Variants in OTUD7A observed in about 807,000 individuals in gnomAD.
The protein encoded by OTUD7A is OTU deubiquitinase 7A.
A neutral mutation model predicts 65.7 loss-of-function variants in OTUD7A; 12 were observed. That is an observed-to-expected ratio of 0.18 (90% confidence interval 0.12 to 0.30). The LOEUF is 0.30. Among genes scored for constraint, OTUD7A ranks in the 10% least tolerant of loss-of-function variants. The pLI is 1.00. For synonymous variants in OTUD7A, 641 were observed against 586.3 expected, an observed-to-expected ratio of 1.09 and a Z score of -1.35; for missense variants, 1,148 against 1,304.8, an observed-to-expected ratio of 0.88 and a Z score of 1.85.
intron 1 of OTUD7A, among the ~76,000 whole-genome samples, chr15:31,792,547 CCT>C (rs1336385513): frequency 6.6e-6 from 1 of 152,136 alleles, no homozygotes; most frequent in African/African-American, 2.4e-5. Flanking sequence ...TCCTGTATTC[CCT>C]CTGTCTGGCC....
At chr15:31,860,398 T>C (rs1296634809) in intron 1 of OTUD7A, among the ~76,000 whole-genome samples, 1 of 151,968 alleles carries the variant, frequency 6.6e-6, no homozygotes, top group Admixed American at 6.6e-5. Flanking sequence ...GAAAAAATGA[T>C]TAAATTTCTA....
chr15:31,523,198 T>G (rs1042618360), intron 8 of OTUD7A, among the ~76,000 whole-genome samples: 1 of 152,262 alleles, frequency 6.6e-6, no homozygotes, highest in African/African-American at 2.4e-5. Context: ...AAGACTGGGT[T>G]AGCTTCCAGC....
At chr15:31,747,428 A>G (rs1000701338) in intron 1 of OTUD7A, among the ~76,000 whole-genome samples, 7 of 152,222 alleles carry the variant, frequency 4.6e-5, no homozygotes, top group Admixed American at 6.5e-5. Flanking sequence ...TCCTTGCACC[A>G]GAAAGGAAGG....
Position 31,483,416 on chromosome 15 carries a change from G to A in OTUD7A, c.2680C>T (p.Gln894Ter). The change falls in exon 13 of 13, where the codon CAG (glutamine) becomes TAG (stop). Residue 894 changes from glutamine to a stop codon, truncating the protein, a stop_gained. Coordinates refer to ENST00000307050, the MANE Select transcript of OTUD7A (RefSeq NM_001382637.1). LOFTEE classifies it high-confidence loss of function. ...ECGRGGPGPV[Q>*]RRCQRENCAF... ...CAGTTCTCGCGCTGGCAGCGCCGCTGCACCGGCCCCGGGCCGCCACGGCCG... is the reference window on the plus strand; with the variant it reads ...CAGTTCTCGCGCTGGCAGCGCCGCTACACCGGCCCCGGGCCGCCACGGCCG... The A allele has an allele frequency of 1.5e-6, 2 of 1,367,002 alleles. No homozygotes were observed. Among genetic ancestry groups the A allele is most frequent in the South Asian group, 1.5e-5 (1 of 67,050 alleles). The allele number at this position is 1,367,002 out of a possible 1,614,324, so 84.7% of individuals were successfully genotyped here.
chr15:31,616,669 C>T lies in OTUD7A; in HGVS notation c.151+38427G>A, dbSNP rs184114802. Among the ~76,000 whole-genome samples, 8 of 152,120 alleles carry T rather than the reference C, an allele frequency of 5.3e-5. No individual in the cohort carries two copies. The East Asian group carries it at 5.8e-4, about 11-fold the overall frequency. On this transcript the variant is annotated intron_variant, in intron 3 of 12. Transcript: ENST00000307050. The stretch of plus-strand genomic sequence containing the variant: ...AAGCGATTCTCCTGCCTCAGCCTCC[C>T]GAGTACTGGGATTACAGACAACCAC...
chr15:31,718,572 C>G (rs1166146270), intron 1 of OTUD7A, among the ~76,000 whole-genome samples: 1 of 150,718 alleles, frequency 6.6e-6, no homozygotes, highest in Non-Finnish European at 1.5e-5. Flanking sequence ...AGCCCCATCA[C>G]TCTTTGGCCA....
At chr15:31,520,706 A>G (rs942923619) in intron 8 of OTUD7A, among the ~76,000 whole-genome samples, 2 of 152,240 alleles carry the variant, frequency 1.3e-5, no homozygotes, top group Non-Finnish European at 2.9e-5. Flanking sequence ...AATTCATACA[A>G]CCTTTATGGA....
chr15:31,798,648 C>T (rs1276321017), intron 1 of OTUD7A, among the ~76,000 whole-genome samples: 1 of 152,194 alleles, frequency 6.6e-6, no homozygotes. Flanking sequence ...AGTCAACTTG[C>T]TCCAACACCT....
intron 1 of OTUD7A, among the ~76,000 whole-genome samples, chr15:31,737,763 A>G (rs1310405621): frequency 1.3e-5 from 2 of 152,222 alleles, no homozygotes; most frequent in African/African-American, 4.8e-5. Flanking sequence ...ATGTGTTCAT[A>G]CGGGACTATC....
chr15:31,735,234 C>CA (rs1263739892), intron 1 of OTUD7A, among the ~76,000 whole-genome samples: 2 of 152,010 alleles, frequency 1.3e-5, no homozygotes, highest in African/African-American at 4.8e-5. Context: ...ATTAAAAAGT[C>CA]AAAAAATGGC....
At position 31,484,334 on chromosome 15, in the gene OTUD7A, T is replaced by C. The variant is rs2041198622; in HGVS notation, c.1762A>G (p.Thr588Ala). 1 of 1,600,070 alleles carries C rather than the reference T, an allele frequency of 6.2e-7. No homozygotes were observed. The highest frequency in any genetic ancestry group is 1.7e-5 in the Admixed American group (1 of 59,790). Residue 588 changes from threonine to alanine, a missense_variant, in exon 13 of 13, where the codon ACG becomes GCG. Coordinates refer to ENST00000307050, the MANE Select transcript of OTUD7A (RefSeq NM_001382637.1). This position sits in a 1 kb window ranked among gnomAD's most constrained non-coding sequence, Gnocchi z 4.5. ...SKEESGASAS[T>A]SPSEKTTPSP... ...GGCGTGGTCTTTTCCGACGGCGACGTGCTGGCCGACGCACCAGACTCCTCC... is the reference window on the plus strand; with the variant it reads ...GGCGTGGTCTTTTCCGACGGCGACGCGCTGGCCGACGCACCAGACTCCTCC...
chr15:31,681,380 G>T (rs114508878), intron 1 of OTUD7A, among the ~76,000 whole-genome samples: 1,567 of 151,910 alleles, frequency 0.01, 18 homozygotes, highest in East Asian at 0.039. Flanking sequence ...TATGTCTGTA[G>T]GTCTTTGTGC....
intron 3 of OTUD7A, among the ~76,000 whole-genome samples, chr15:31,585,718 G>A (rs1202358972): frequency 1.3e-5 from 2 of 152,110 alleles, no homozygotes; most frequent in Non-Finnish European, 2.9e-5. Context: ...AAAGAGCCCC[G>A]GCTGTATTCA....
At chr15:31,796,576 C>T (rs936798892) in intron 1 of OTUD7A, among the ~76,000 whole-genome samples, 15 of 152,172 alleles carry the variant, frequency 9.9e-5, no homozygotes, top group African/African-American at 2.7e-4. Context: ...CTGGATATTA[C>T]GGTCTAGCCA....
intron 3 of OTUD7A, among the ~76,000 whole-genome samples, chr15:31,586,842 A>C: frequency 6.6e-6 from 1 of 151,172 alleles, no homozygotes; most frequent in Non-Finnish European, 1.5e-5. Flanking sequence ...CCTCTCCACT[A>C]CTGCTCAGCT....
chr15:31,561,312 G>A (rs944463304), intron 4 of OTUD7A, among the ~76,000 whole-genome samples: 2 of 152,182 alleles, frequency 1.3e-5, no homozygotes, highest in African/African-American at 4.8e-5. Context: ...TTTCTGCCTC[G>A]TGCAAGCCAT....
At chr15:31,552,687 C>G (rs1022927665) in intron 5 of OTUD7A, among the ~76,000 whole-genome samples, 2 of 152,256 alleles carry the variant, frequency 1.3e-5, no homozygotes, top group African/African-American at 2.4e-5. Flanking sequence ...TGGCCTCTGT[C>G]TCTCCCACAC....
Position 31,484,118 on chromosome 15 carries a change from TCTC to T in OTUD7A, c.1975_1977del (p.Glu659del). On this transcript the variant is annotated inframe_deletion, in exon 13 of 13. Transcript: ENST00000307050. The surrounding 1 kb of genome is among the most constrained non-coding windows in gnomAD (Gnocchi z 4.5). ...GCGCTCGTCAGGTAGTAGCCGATCA[TCTC>T]CTCGTGGAACTGGTGCCGGTGGCTG... 6.2e-7 allele frequency: 1 copy of T among 1,607,246 alleles called. No individual in the cohort carries two copies. The highest frequency in any genetic ancestry group is 8.5e-7 in the Non-Finnish European group (1 of 1,179,372).
At chr15:31,660,985 G>T (rs568999193) in intron 1 of OTUD7A, among the ~76,000 whole-genome samples, 10 of 152,182 alleles carry the variant, frequency 6.6e-5, no homozygotes, top group Non-Finnish European at 1.5e-4. Context: ...CAGGTGCCGC[G>T]GGCTGGACAC....
Sources: allele counts gnomAD v4.1 joint callset (sites outside exome capture counted in the v4.1 genomes callset), GRCh38; gene constraint gnomAD v4.1.1; non-coding constraint Gnocchi (gnomAD v3.1); transcripts MANE v1.5; gene names NCBI Gene and HGNC (gene_info 2026-07-23, HGNC 2026-07-21).